Variants in DPP6 observed in about 807,000 individuals in gnomAD.
The protein encoded by DPP6 is dipeptidyl peptidase like 6, also known as A-type potassium channel modulatory protein DPP6.
In DPP6, 69 loss-of-function variants were observed where a neutral mutation model predicts 122.6. The observed-to-expected ratio is 0.56, with a 90% CI of 0.46 to 0.69. The LOEUF is 0.69. DPP6 is among the 30% of genes least tolerant of loss of function. The pLI, the probability that DPP6 is intolerant of heterozygous loss-of-function variation, is 0.00. For missense variants in DPP6, 928 were observed against 1,116.9 expected (o/e 0.83, Z 2.41); for synonymous variants, 418 against 433.1 (o/e 0.97, Z 0.43).
chr7:154,439,276 C>T (rs1819162347), intron 1 of DPP6, among the ~76,000 whole-genome samples: 1 of 152,188 alleles, frequency 6.6e-6, no homozygotes, highest in South Asian at 2.1e-4. Flanking sequence ...ATTATCTAAA[C>T]ATGCTTTAAG....
chr7:154,644,706 C>CTT (rs5888584), intron 6 of DPP6, among the ~76,000 whole-genome samples: 112 of 129,954 alleles, frequency 8.6e-4, no homozygotes, highest in Non-Finnish European at 1.2e-3. Flanking sequence ...CTTAAAATGG[C>CTT]TTTTTTTTTT....
chr7:153,795,977 A>G, the DPP6 span, among the ~76,000 whole-genome samples: 1 of 150,870 alleles, frequency 6.6e-6, no homozygotes, highest in African/African-American at 2.4e-5. Context: ...GTCATATCAC[A>G]TACATCCCAT....
At chr7:154,098,020 T>C (rs950652311) in intron 1 of DPP6, among the ~76,000 whole-genome samples, 3 of 152,128 alleles carry the variant, frequency 2.0e-5, no homozygotes, top group African/African-American at 7.2e-5. Flanking sequence ...GACACAAGAC[T>C]CCACCTCTTG....
chr7:153,771,589 C>G, the DPP6 span, among the ~76,000 whole-genome samples: 1 of 152,162 alleles, frequency 6.6e-6, no homozygotes. Context: ...ATCCACCTGC[C>G]TCGGCCTCCC....
intron 4 of DPP6, among the ~76,000 whole-genome samples, chr7:154,561,163 C>A (rs1168227398): frequency 6.6e-6 from 1 of 152,164 alleles, no homozygotes. Context: ...AGTTGTAGAT[C>A]CCAACAATCC....
chr7:154,466,839 A>G (rs1236697960), intron 2 of DPP6, among the ~76,000 whole-genome samples: 1 of 152,164 alleles, frequency 6.6e-6, no homozygotes, highest in Non-Finnish European at 1.5e-5. Flanking sequence ...ACTCTACCCC[A>G]AGGTCCCCAG....
chr7:154,155,877 A>G (rs1177285199), intron 1 of DPP6, among the ~76,000 whole-genome samples: 1 of 152,062 alleles, frequency 6.6e-6, no homozygotes, highest in Non-Finnish European at 1.5e-5. Flanking sequence ...TGTTCACTTA[A>G]ATATTGTCAA....
chr7:154,664,414 A>G (rs1442660051), intron 6 of DPP6, among the ~76,000 whole-genome samples: 1 of 152,214 alleles, frequency 6.6e-6, no homozygotes, highest in African/African-American at 2.4e-5. Context: ...TCATAATCTA[A>G]CAAACTGAAT....
At chr7:153,885,457 G>C (rs1798874984), upstream of DPP6, among the ~76,000 whole-genome samples, 1 of 151,144 alleles carries the variant, frequency 6.6e-6, no homozygotes, top group South Asian at 2.2e-4. Flanking sequence ...TGATAAAAGG[G>C]ACCCCAGAGA....
the DPP6 span, among the ~76,000 whole-genome samples, chr7:153,751,677 T>A: frequency 6.6e-6 from 1 of 152,160 alleles, no homozygotes; most frequent in Admixed American, 6.5e-5. Context: ...GAGCAAAGAA[T>A]ACAAACTTAA....
intron 10 of DPP6, among the ~76,000 whole-genome samples, chr7:154,791,031 T>C (rs945760961): frequency 2.0e-5 from 3 of 152,132 alleles, no homozygotes; most frequent in South Asian, 2.1e-4. Context: ...GCTGGCAGAT[T>C]ACTTGAGGTC....
At position 154,106,234 on chromosome 7, in the gene DPP6, G is replaced by T. The variant is rs2150577439; in HGVS notation, c.243+53171G>T. Reference sequence around the variant, plus strand: ...GCATTACCTGGTGAAAAGTGCTTCTGTTGCAAAACTTATGTTCATGTGTCT... The same window carrying T: ...GCATTACCTGGTGAAAAGTGCTTCTTTTGCAAAACTTATGTTCATGTGTCT... On this transcript the variant is annotated intron_variant, in intron 1 of 25. Transcript: ENST00000377770. Among the ~76,000 whole-genome samples, 6 of 130,540 alleles carry T rather than the reference G, an allele frequency of 4.6e-5. No homozygotes were observed. In the South Asian group the frequency reaches 1.7e-3, roughly 37 times the overall value. 85.6% of individuals were successfully genotyped at this position (130,540 alleles called of 152,430 possible). A position where few individuals can be genotyped will look rare whatever the true frequency, so the allele number is the denominator to read the frequency against.
intron 3 of DPP6, among the ~76,000 whole-genome samples, chr7:154,514,605 C>G (rs994576625): frequency 1.4e-4 from 21 of 152,120 alleles, no homozygotes; most frequent in Admixed American, 1.2e-3. Flanking sequence ...ATTTGACTAC[C>G]CTGGGGACCT....
chr7:154,310,253 A>T (rs962784531), intron 1 of DPP6, among the ~76,000 whole-genome samples: 3 of 152,094 alleles, frequency 2.0e-5, no homozygotes, highest in Non-Finnish European at 4.4e-5. Context: ...CAGAGGAGGG[A>T]TGTTTTGCTT....
intron 7 of DPP6, 97 bp downstream of exon 7, chr7:154,669,538 TTGTGTGTGTGTGTGTG>T: frequency 1.7e-6 from 2 of 1,198,612 alleles, no homozygotes; most frequent in South Asian, 1.9e-5. Context: ...GTACATGGTG[TTGTGTGTGTGTGTGTG>T]TGTGTGTGTG....
At chr7:154,627,000 C>CTTTTTTTTTTTTTTTTTTTT (rs552919287) in intron 5 of DPP6, among the ~76,000 whole-genome samples, 1 of 52,092 alleles carries the variant, frequency 1.9e-5, no homozygotes, top group Non-Finnish European at 3.4e-5. Context: ...GAAATTTTTT[C>CTTTTTTTTTTTTTTTTTTTT]TTTTTTTTTT....
rs994404573 is a variant in DPP6, at chr7:154,875,537, A to C, written c.1884-369A>C. On this transcript the variant is annotated intron_variant, in intron 19 of 25. Transcript: ENST00000377770. This position sits in a 1 kb window ranked among gnomAD's most constrained non-coding sequence, Gnocchi z 4.5. ...CTGAGAGGTACAGCCTGGGACATCT[A>C]GAACCCAGGAAAGAGAAACCTTCTT... Among the ~76,000 whole-genome samples the C allele has an allele frequency of 6.6e-6, 1 of 152,238 alleles. No homozygotes were observed. Among genetic ancestry groups the C allele is most frequent in the African/African-American group, 2.4e-5 (1 of 41,466 alleles).
intron 1 of DPP6, among the ~76,000 whole-genome samples, chr7:154,249,968 G>C (rs1802244059): frequency 6.6e-6 from 1 of 152,134 alleles, no homozygotes; most frequent in African/African-American, 2.4e-5. Context: ...CCCGGGGCCT[G>C]GTAGTTAAAA....
intron 1 of DPP6, among the ~76,000 whole-genome samples, chr7:153,977,198 G>GATGTGT (rs1554424794): frequency 6.7e-6 from 1 of 149,630 alleles, no homozygotes; most frequent in Admixed American, 6.6e-5. Flanking sequence ...TACCAATAGG[G>GATGTGT]GTGTGTGTGT....
Sources: allele counts gnomAD v4.1 joint callset (sites outside exome capture counted in the v4.1 genomes callset), GRCh38; gene constraint gnomAD v4.1.1; non-coding constraint Gnocchi (gnomAD v3.1); transcripts MANE v1.5; gene names NCBI Gene and HGNC (gene_info 2026-07-23, HGNC 2026-07-21).